Variants in CLVS1 observed in about 807,000 individuals in gnomAD.
CLVS1 encodes the protein clavesin-1.
Under a neutral mutation model 33.1 loss-of-function variants are expected in CLVS1, and 10 were observed. That is an observed-to-expected ratio of 0.30 (90% confidence interval 0.19 to 0.51). The LOEUF (loss-of-function observed/expected upper bound fraction) is 0.51, where lower values mean the gene tolerates loss of function less well. Among genes scored for constraint, CLVS1 ranks in the 20% least tolerant of loss-of-function variants. The probability of loss-of-function intolerance (pLI) is 0.97; values close to 1 mark genes in which losing one functional copy is unlikely to be tolerated. For missense variants in CLVS1, 343 were observed against 433.4 expected (o/e 0.79, Z 1.85); for synonymous variants, 163 against 166.1 (o/e 0.98, Z 0.14).
intron 5 of CLVS1, among the ~76,000 whole-genome samples, chr8:61,469,521 G>A (rs2129607661): frequency 6.6e-6 from 1 of 152,286 alleles, no homozygotes; most frequent in Admixed American, 6.5e-5. Flanking sequence ...GCCCCTGCCT[G>A]GGTAGTAAAA....
intron 5 of CLVS1, among the ~76,000 whole-genome samples, chr8:61,486,076 C>T (rs886621677): frequency 2.1e-5 from 3 of 146,188 alleles, no homozygotes; most frequent in Admixed American, 2.0e-4. Flanking sequence ...TGCACATGTA[C>T]CCTACAACTT....
At chr8:61,472,984 A>G (rs1020736434) in intron 5 of CLVS1, among the ~76,000 whole-genome samples, 4 of 152,192 alleles carry the variant, frequency 2.6e-5, no homozygotes, top group East Asian at 1.9e-4. Flanking sequence ...CTTTAAACAC[A>G]TTACCCATAC....
At chr8:61,159,103 G>C (rs1203983362) in intron 2 of CLVS1, among the ~76,000 whole-genome samples, 1 of 152,142 alleles carries the variant, frequency 6.6e-6, no homozygotes, top group African/African-American at 2.4e-5. Context: ...AAACTCCTGG[G>C]CTCAAGTGAT....
At chr8:61,225,143 C>A (rs1424761933) in intron 2 of CLVS1, among the ~76,000 whole-genome samples, 3 of 151,878 alleles carry the variant, frequency 2.0e-5, no homozygotes, top group Non-Finnish European at 4.4e-5. Context: ...ATGGTGAAGC[C>A]CCATTTCTAC....
At position 61,288,144 on chromosome 8, in the gene CLVS1, T is replaced by G; in HGVS notation, c.-152+6T>G. On this transcript the variant is annotated splice_donor_region_variant and intron_variant, in intron 1 of 5. Transcript: ENST00000325897. The stretch of plus-strand genomic sequence containing the variant: ...GGCTGGGCGGCCGTGTGAAGGTATT[T>G]GTTACCTTTTTTCTCCCCTCTGTAT... 6.6e-6 allele frequency: 3 copies of G among 456,280 alleles called. No individual in the cohort carries two copies. In the Admixed American group the frequency reaches 7.0e-5, roughly 11 times the overall value. 28.3% of individuals were successfully genotyped at this position (456,280 alleles called of 1,614,324 possible). A position where few individuals can be genotyped will look rare whatever the true frequency, so the allele number is the denominator to read the frequency against.
At chr8:61,163,476 G>A (rs1332947747) in intron 2 of CLVS1, among the ~76,000 whole-genome samples, 2 of 152,048 alleles carry the variant, frequency 1.3e-5, no homozygotes, top group Admixed American at 1.3e-4. Context: ...GTAAAAAAAC[G>A]ATCTCAGAAA....
chr8:61,451,395 G>T (rs1816945687), intron 3 of CLVS1, among the ~76,000 whole-genome samples: 1 of 152,124 alleles, frequency 6.6e-6, no homozygotes, highest in Non-Finnish European at 1.5e-5. Flanking sequence ...AAACTGGGGG[G>T]CAGACACATT....
chr8:61,250,402 C>T (rs1374203985), intron 2 of CLVS1, among the ~76,000 whole-genome samples: 1 of 152,118 alleles, frequency 6.6e-6, no homozygotes, highest in East Asian at 1.9e-4. Context: ...GCAATGTGGG[C>T]TCTTTTTTGG....
intron 1 of CLVS1, among the ~76,000 whole-genome samples, chr8:61,077,441 GTATTATTATTATTATTAT>G (rs57149995): frequency 0.08 from 11,036 of 138,266 alleles, 552 homozygotes; most frequent in African/African-American, 0.13. Flanking sequence ...CCCTCTAAAA[GTATTATTATTATTATTAT>G]TATTATTATT....
chr8:61,407,815 G>T (rs1369995132), intron 3 of CLVS1, among the ~76,000 whole-genome samples: 1 of 152,190 alleles, frequency 6.6e-6, no homozygotes, highest in Admixed American at 6.5e-5. Context: ...AGAAAAGGGT[G>T]ATCAACAAGA....
chr8:61,456,778 C>T (rs1328733996), intron 4 of CLVS1, among the ~76,000 whole-genome samples: 2 of 151,794 alleles, frequency 1.3e-5, no homozygotes, highest in Non-Finnish European at 1.5e-5. Flanking sequence ...ATTAGCTGGG[C>T]GTGGTGGCAG....
At chr8:61,185,863 C>A (rs1021772473) in intron 2 of CLVS1, among the ~76,000 whole-genome samples, 4 of 152,048 alleles carry the variant, frequency 2.6e-5, no homozygotes, top group Admixed American at 1.3e-4. Flanking sequence ...ATTTAATGGG[C>A]AAATACAAAA....
At chr8:61,015,817 C>T in the CLVS1 span, among the ~76,000 whole-genome samples, 1 of 152,160 alleles carries the variant, frequency 6.6e-6, no homozygotes, top group Non-Finnish European at 1.5e-5. Context: ...AATGTGATGG[C>T]TTCCAACCGG....
rs544426522 is a variant in CLVS1 at position 61,356,780 on chromosome 8, G to A, written c.456-19825G>A. 9.2e-5 allele frequency among the ~76,000 whole-genome samples: 14 copies of A among 152,288 alleles called. No individual in the cohort carries two copies. The South Asian group carries it at 2.1e-3, about 23-fold the overall frequency. ...TTCTGTTCCATTGATCTATATCTCTGTTTTGGTACCAGTACCATGCTGTTT... is the reference window on the plus strand; with the variant it reads ...TTCTGTTCCATTGATCTATATCTCTATTTTGGTACCAGTACCATGCTGTTT... On this transcript the variant is annotated intron_variant, in intron 2 of 5. Transcript: ENST00000325897.
At chr8:60,968,778 A>T in the CLVS1 span, among the ~76,000 whole-genome samples, 1 of 151,986 alleles carries the variant, frequency 6.6e-6, no homozygotes, top group East Asian at 1.9e-4. Flanking sequence ...AGTCCCAGCT[A>T]CTTGGGAGGC....
intron 5 of CLVS1, among the ~76,000 whole-genome samples, chr8:61,483,304 C>T (rs1408307633): frequency 6.6e-6 from 1 of 152,198 alleles, no homozygotes; most frequent in Non-Finnish European, 1.5e-5. Context: ...TCAGAGAATA[C>T]TATAAACACC....
intron 2 of CLVS1, among the ~76,000 whole-genome samples, chr8:61,190,966 T>G (rs1365309467): frequency 6.6e-6 from 1 of 152,168 alleles, no homozygotes; most frequent in Non-Finnish European, 1.5e-5. Flanking sequence ...CTGGTACCAT[T>G]CCCTCTGAAA....
chr8:61,298,274 C>T, intron 1 of CLVS1, among the ~76,000 whole-genome samples: 1 of 152,062 alleles, frequency 6.6e-6, no homozygotes, highest in East Asian at 1.9e-4. Context: ...TACTATTTTC[C>T]TTTACTGTTA....
intron 1 of CLVS1, among the ~76,000 whole-genome samples, chr8:61,115,872 T>A (rs1448462962): frequency 6.8e-6 from 1 of 147,234 alleles, no homozygotes; most frequent in Non-Finnish European, 1.5e-5. Flanking sequence ...TGATTTATAG[T>A]CCTTTGGGTA....
Sources: gnomAD v4.1 joint callset for allele counts (sites outside exome capture counted in the v4.1 genomes callset) on GRCh38, gnomAD v4.1.1 for gene constraint, MANE v1.5 for transcripts, NCBI Gene and HGNC (gene_info 2026-07-23, HGNC 2026-07-21) for gene names.